CNOT6: variants seen among roughly 807,000 people sequenced by gnomAD.
CNOT6 encodes the protein carbon catabolite repression 4 protein.
In CNOT6, 12 loss-of-function variants were observed where a neutral mutation model predicts 61.2. The ratio of observed to expected loss-of-function variants is 0.20; its 90% CI spans 0.13 to 0.32. CNOT6 has a LOEUF of 0.32. Among genes scored for constraint, CNOT6 ranks in the 10% least tolerant of loss-of-function variants. The probability of loss-of-function intolerance (pLI) is 1.00; values close to 1 mark genes in which losing one functional copy is unlikely to be tolerated. For synonymous variants in CNOT6, 225 were observed against 240.6 expected (o/e 0.94, Z 0.60); for missense variants, 405 against 663.9 (o/e 0.61, Z 4.28).
chr5:180,556,400 A>G (rs1759894055), intron 4 of CNOT6, among the ~76,000 whole-genome samples: 1 of 152,206 alleles, frequency 6.6e-6, no homozygotes, highest in Non-Finnish European at 1.5e-5. Context: ...TTTAACAGCT[A>G]AAAGAATGGA....
At chr5:180,573,651 T>G (rs1760876458) in intron 11 of CNOT6, among the ~76,000 whole-genome samples, 1 of 147,180 alleles carries the variant, frequency 6.8e-6, no homozygotes, top group Non-Finnish European at 1.5e-5. Context: ...TACCTATAGG[T>G]CCCCTCACAT....
chr5:180,559,225 A>G (rs1217321579), intron 4 of CNOT6, among the ~76,000 whole-genome samples: 4 of 152,220 alleles, frequency 2.6e-5, no homozygotes, highest in Non-Finnish European at 4.4e-5. Flanking sequence ...AGTCTCCAAC[A>G]ATAATTGTAG....
intron 1 of CNOT6, among the ~76,000 whole-genome samples, chr5:180,495,071 C>T (rs12189218): frequency 6.8e-4 from 103 of 152,158 alleles, no homozygotes; most frequent in Middle Eastern, 3.4e-3. Flanking sequence ...CTGCCGTCGT[C>T]GGAGGAGGCG....
chr5:180,563,217 T>A (rs1021132858), intron 4 of CNOT6, among the ~76,000 whole-genome samples: 896 of 41,042 alleles, frequency 0.022, 37 homozygotes, highest in Admixed American at 0.15. Context: ...TCCTGTTAAA[T>A]TTTTTTTTTT....
chr5:180,508,317 GT>G (rs950060880), intron 1 of CNOT6, among the ~76,000 whole-genome samples: 19 of 152,072 alleles, frequency 1.2e-4, no homozygotes, highest in African/African-American at 4.6e-4. Flanking sequence ...ATGATAATTT[GT>G]TTTTTTAGTA....
intron 4 of CNOT6, among the ~76,000 whole-genome samples, chr5:180,563,384 T>C (rs368095170): frequency 7.0e-4 from 56 of 79,724 alleles, no homozygotes; most frequent in African/African-American, 2.3e-3. Flanking sequence ...CTGGCTGTTT[T>C]TTTTTGTTTG....
At chr5:180,563,847 T>G (rs925548317) in intron 4 of CNOT6, among the ~76,000 whole-genome samples, 3 of 152,218 alleles carry the variant, frequency 2.0e-5, no homozygotes, top group Non-Finnish European at 4.4e-5. Context: ...GATTTGAGAT[T>G]CTTGTAGGTA....
At chr5:180,566,837 G>C (rs1382913384) in intron 7 of CNOT6, among the ~76,000 whole-genome samples, 2 of 151,476 alleles carry the variant, frequency 1.3e-5, no homozygotes, top group Admixed American at 6.6e-5. Flanking sequence ...ATTTTTAGTA[G>C]AGATGGGGTT....
At chr5:180,502,241 C>G (rs570301881) in intron 1 of CNOT6, among the ~76,000 whole-genome samples, 3 of 152,036 alleles carry the variant, frequency 2.0e-5, no homozygotes, top group Non-Finnish European at 2.9e-5. Flanking sequence ...TTTGGTGATA[C>G]AAAATTGTTT....
intron 1 of CNOT6, among the ~76,000 whole-genome samples, chr5:180,499,751 T>C (rs1398151305): frequency 6.6e-6 from 1 of 151,946 alleles, no homozygotes; most frequent in African/African-American, 2.4e-5. Flanking sequence ...TGGCATTTTC[T>C]TTGAAAAAGC....
At chr5:180,515,011 G>A (rs573514737) in intron 1 of CNOT6, among the ~76,000 whole-genome samples, 52 of 152,262 alleles carry the variant, frequency 3.4e-4, no homozygotes, top group African/African-American at 1.2e-3. Flanking sequence ...ACTTGTTTCC[G>A]TGTTGAGGAG....
intron 1 of CNOT6, among the ~76,000 whole-genome samples, chr5:180,518,055 AT>A (rs1757726922): frequency 1.3e-5 from 2 of 151,942 alleles, no homozygotes; most frequent in Non-Finnish European, 2.9e-5. Context: ...CTTTTACATC[AT>A]TGCCAGCTCT....
chr5:180,552,328 A>T (rs922699298), intron 3 of CNOT6, among the ~76,000 whole-genome samples: 2 of 151,960 alleles, frequency 1.3e-5, no homozygotes, highest in African/African-American at 4.8e-5. Flanking sequence ...ATAGAAATAG[A>T]TTTCTTGCAC....
intron 1 of CNOT6, among the ~76,000 whole-genome samples, chr5:180,528,836 C>T (rs976181936): frequency 6.6e-6 from 1 of 152,090 alleles, no homozygotes; most frequent in African/African-American, 2.4e-5. Flanking sequence ...TTGTCCTGTG[C>T]TTGGAATAAT....
intron 8 of CNOT6, among the ~76,000 whole-genome samples, chr5:180,567,581 A>T (rs77344991): frequency 6.6e-6 from 1 of 152,240 alleles, no homozygotes; most frequent in Non-Finnish European, 1.5e-5. Context: ...TACAAGGTAG[A>T]ATATTCCAAC....
At chr5:180,571,203 C>A in intron 10 of CNOT6, 27 bp from the exon 11 acceptor site, 1 of 1,509,734 alleles carries the variant, frequency 6.6e-7, no homozygotes, top group Non-Finnish European at 9.2e-7. Context: ...ATATATTTGA[C>A]AATAAAAAAA....
intron 1 of CNOT6, among the ~76,000 whole-genome samples, chr5:180,527,340 A>G (rs541784257): frequency 1.4e-4 from 22 of 152,248 alleles, no homozygotes; most frequent in African/African-American, 4.8e-4. Context: ...TTTTCAGACC[A>G]TTGATTTGTT....
intron 9 of CNOT6, 86 bp downstream of exon 9, chr5:180,568,089 T>G (rs966099733): frequency 7.2e-7 from 1 of 1,387,520 alleles, no homozygotes; most frequent in African/African-American, 1.4e-5. Flanking sequence ...CATTGTGTAT[T>G]CATGGTCTTG....
intron 11 of CNOT6, among the ~76,000 whole-genome samples, chr5:180,573,307 C>A (rs992833553): frequency 1.3e-5 from 2 of 152,092 alleles, no homozygotes; most frequent in African/African-American, 4.8e-5. Context: ...CAGTCCTGCC[C>A]TCATGGAGCT....
Sources: gnomAD v4.1 joint callset for allele counts (sites outside exome capture counted in the v4.1 genomes callset) on GRCh38, gnomAD v4.1.1 for gene constraint, MANE v1.5 for transcripts, NCBI Gene and HGNC (gene_info 2026-07-23, HGNC 2026-07-21) for gene names.